Variants in SOX5 observed in about 807,000 individuals in gnomAD.
The protein encoded by SOX5 is transcription factor SOX-5.
Under a neutral mutation model 92.0 loss-of-function variants are expected in SOX5, and 9 were observed. The ratio of observed to expected loss-of-function variants is 0.10; its 90% CI spans 0.06 to 0.17. The LOEUF (loss-of-function observed/expected upper bound fraction) is 0.17. Ranked by LOEUF, SOX5 falls within the 10% of genes least tolerant of loss-of-function variation. SOX5 has a pLI of 1.00. For synonymous variants in SOX5, 344 were observed against 336.3 expected (o/e 1.02, Z -0.25); for missense variants, 642 against 944.5 (o/e 0.68, Z 4.20).
chr12:24,367,434 G>A (rs779865587), intron 2 of SOX5, among the ~76,000 whole-genome samples: 1 of 152,010 alleles, frequency 6.6e-6, no homozygotes, highest in East Asian at 1.9e-4. Flanking sequence ...ATACACAAAA[G>A]CCAATAGATA....
At chr12:23,851,383 G>T (rs544844076) in intron 2 of SOX5, among the ~76,000 whole-genome samples, 1 of 152,058 alleles carries the variant, frequency 6.6e-6, no homozygotes, top group South Asian at 2.1e-4. Context: ...CAATATTAAT[G>T]TTCCTAAAAA....
intron 2 of SOX5, among the ~76,000 whole-genome samples, chr12:24,286,800 G>A (rs1945919676): frequency 1.3e-5 from 2 of 152,170 alleles, no homozygotes; most frequent in African/African-American, 4.8e-5. Context: ...AAATGACTTA[G>A]GGTGTATGAA....
chr12:23,929,050 AC>A (rs1168567154), intron 1 of SOX5, among the ~76,000 whole-genome samples: 10 of 151,904 alleles, frequency 6.6e-5, no homozygotes, highest in South Asian at 4.1e-4. Flanking sequence ...CTTCTACGAA[AC>A]AAAAACACAG....
chr12:23,769,377 A>C (rs2094846561), intron 3 of SOX5, among the ~76,000 whole-genome samples: 1 of 152,018 alleles, frequency 6.6e-6, no homozygotes, highest in South Asian at 2.1e-4. Flanking sequence ...AAAAAAAATA[A>C]GAGGGGAAAA....
chr12:24,076,676 T>C (rs1942648248), intron 4 of SOX5, among the ~76,000 whole-genome samples: 1 of 148,326 alleles, frequency 6.7e-6, no homozygotes, highest in South Asian at 2.1e-4. Flanking sequence ...CAATGTGAAA[T>C]ACTAAAAAAG....
intron 4 of SOX5, among the ~76,000 whole-genome samples, chr12:24,128,931 T>C (rs769998537): frequency 6.6e-6 from 1 of 152,090 alleles, no homozygotes; most frequent in Non-Finnish European, 1.5e-5. Flanking sequence ...ACTAGGAAGG[T>C]GGCAATGGAA....
chr12:24,555,286 C>T (rs1215665425), intron 1 of SOX5, among the ~76,000 whole-genome samples: 1 of 152,134 alleles, frequency 6.6e-6, no homozygotes, highest in Non-Finnish European at 1.5e-5. Context: ...AGAGTTCTGC[C>T]TCATGCTTTA....
At chr12:24,363,400 TGC>T (rs1486822633) in intron 2 of SOX5, among the ~76,000 whole-genome samples, 18 of 152,182 alleles carry the variant, frequency 1.2e-4, no homozygotes, top group Non-Finnish European at 2.6e-4. Context: ...GCAATTTGAT[TGC>T]CTCTGTATAC....
At chr12:24,509,755 T>C (rs1949132159) in intron 1 of SOX5, among the ~76,000 whole-genome samples, 2 of 152,346 alleles carry the variant, frequency 1.3e-5, no homozygotes, top group Admixed American at 6.5e-5. Context: ...ATGGCTGTCA[T>C]GTTCTTGGCC....
chr12:24,497,093 G>A (rs1947716165), intron 1 of SOX5, among the ~76,000 whole-genome samples: 1 of 152,164 alleles, frequency 6.6e-6, no homozygotes, highest in Admixed American at 6.5e-5. Flanking sequence ...TGTATAAAAT[G>A]AAAGTTATAG....
intron 6 of SOX5, among the ~76,000 whole-genome samples, chr12:23,672,947 A>C (rs575072970): frequency 6.6e-6 from 1 of 152,280 alleles, no homozygotes; most frequent in Non-Finnish European, 1.5e-5. Context: ...AGTTCTTATT[A>C]ATATACATTA....
intron 8 of SOX5, among the ~76,000 whole-genome samples, chr12:23,631,572 A>G (rs1438393815): frequency 6.6e-6 from 1 of 152,154 alleles, no homozygotes; most frequent in African/African-American, 2.4e-5. Context: ...AAACATTTTA[A>G]AGTTACCTAA....
At chr12:24,214,170 G>C (rs1958972826) in intron 3 of SOX5, among the ~76,000 whole-genome samples, 1 of 151,846 alleles carries the variant, frequency 6.6e-6, no homozygotes, top group Non-Finnish European at 1.5e-5. Flanking sequence ...AGTTATAGAA[G>C]AATAAATACT....
intron 4 of SOX5, among the ~76,000 whole-genome samples, chr12:24,053,318 C>T (rs898631122): frequency 4.5e-4 from 68 of 151,880 alleles, no homozygotes; most frequent in African/African-American, 1.5e-3. Flanking sequence ...TTAGTAGAGA[C>T]GGGGTTTCAC....
chr12:24,081,246 C>T (rs1227542850), intron 4 of SOX5, among the ~76,000 whole-genome samples: 2 of 151,878 alleles, frequency 1.3e-5, no homozygotes, highest in African/African-American at 2.4e-5. Context: ...CAAAAAAATG[C>T]AAAACGTCTG....
intron 7 of SOX5, among the ~76,000 whole-genome samples, chr12:23,650,214 C>A (rs1450016655): frequency 1.3e-5 from 2 of 151,960 alleles, no homozygotes; most frequent in African/African-American, 4.8e-5. Flanking sequence ...TTCTGGAAAC[C>A]TGAAAGAAAG....
At chr12:24,406,176 G>C (rs1489303529) in intron 1 of SOX5, among the ~76,000 whole-genome samples, 2 of 152,142 alleles carry the variant, frequency 1.3e-5, no homozygotes, top group East Asian at 3.9e-4. Flanking sequence ...CCAGGTGTGA[G>C]AGAGCCAGCC....
At chr12:24,042,604 G>A (rs1956630962) in intron 4 of SOX5, among the ~76,000 whole-genome samples, 2 of 152,050 alleles carry the variant, frequency 1.3e-5, no homozygotes, top group African/African-American at 2.4e-5. Context: ...TATATTTAGT[G>A]TATCATTTGC....
intron 4 of SOX5, among the ~76,000 whole-genome samples, chr12:24,034,227 C>G (rs1242720287): frequency 6.6e-6 from 1 of 152,018 alleles, no homozygotes; most frequent in Non-Finnish European, 1.5e-5. Flanking sequence ...GAAGGCATTT[C>G]ATTTTCCAAA....
Sources: allele counts gnomAD v4.1 joint callset (sites outside exome capture counted in the v4.1 genomes callset), GRCh38; gene constraint gnomAD v4.1.1; transcripts MANE v1.5; gene names NCBI Gene and HGNC (gene_info 2026-07-23, HGNC 2026-07-21).